CLSTN2: variants seen among roughly 807,000 people sequenced by gnomAD.
CLSTN2 encodes the protein calsyntenin-2.
Under a neutral mutation model 101.2 loss-of-function variants are expected in CLSTN2, and 48 were observed. The ratio of observed to expected loss-of-function variants is 0.47; its 90% CI spans 0.38 to 0.60. CLSTN2 has a LOEUF of 0.60. CLSTN2 is among the 20% of genes least tolerant of loss of function. CLSTN2 has a pLI of 0.00. For synonymous variants in CLSTN2, 481 were observed against 463.6 expected (o/e 1.04, Z -0.48); for missense variants, 1,160 against 1,238.2 (o/e 0.94, Z 0.95).
intron 1 of CLSTN2, among the ~76,000 whole-genome samples, chr3:140,050,458 G>A (rs2007970085): frequency 6.6e-6 from 1 of 152,196 alleles, no homozygotes; most frequent in South Asian, 2.1e-4. Flanking sequence ...TAGCATCATG[G>A]AAGCCATGAC....
intron 9 of CLSTN2, among the ~76,000 whole-genome samples, chr3:140,543,851 T>C (rs1163777218): frequency 6.6e-6 from 1 of 152,262 alleles, no homozygotes; most frequent in East Asian, 1.9e-4. Context: ...TCTTCCTGGA[T>C]CAATTCCTGT....
At chr3:139,946,119 C>A (rs1458972773) in intron 1 of CLSTN2, among the ~76,000 whole-genome samples, 1 of 152,122 alleles carries the variant, frequency 6.6e-6, no homozygotes, top group Non-Finnish European at 1.5e-5. Flanking sequence ...AGAAATGAAA[C>A]CCTTCAAAAA....
rs147326500 is a variant in CLSTN2, at chr3:140,132,571, C to T, written c.110-43380C>T. On this transcript the variant is annotated intron_variant, in intron 1 of 16. Transcript: ENST00000458420. ...GGAGTTGTTTAGTATGTCTTGGGGTCAGTTTTCTGCCTGAAAGTTGAATGT... is the reference window on the plus strand; with the variant it reads ...GGAGTTGTTTAGTATGTCTTGGGGTTAGTTTTCTGCCTGAAAGTTGAATGT... Among the ~76,000 whole-genome samples, 123 of 152,232 alleles carry T rather than the reference C, an allele frequency of 8.1e-4. No homozygotes were observed. In the East Asian group the frequency reaches 0.021, roughly 26 times the overall value.
At chr3:139,983,029 T>A (rs1009206250) in intron 1 of CLSTN2, among the ~76,000 whole-genome samples, 4 of 151,350 alleles carry the variant, frequency 2.6e-5, no homozygotes, top group African/African-American at 9.7e-5. Context: ...TTTGTAATGA[T>A]CAGTACTTCA....
At chr3:140,085,908 G>A (rs990380198) in intron 1 of CLSTN2, among the ~76,000 whole-genome samples, 1 of 152,180 alleles carries the variant, frequency 6.6e-6, no homozygotes, top group Non-Finnish European at 1.5e-5. Flanking sequence ...GTGATGACTA[G>A]GTTGCAGAGA....
At chr3:140,338,505 A>G (rs1469364592) in intron 2 of CLSTN2, among the ~76,000 whole-genome samples, 1 of 152,180 alleles carries the variant, frequency 6.6e-6, no homozygotes, top group African/African-American at 2.4e-5. Context: ...GAGTAATGCC[A>G]TCTTTCCCAC....
intron 2 of CLSTN2, among the ~76,000 whole-genome samples, chr3:140,236,585 A>G (rs762041479): frequency 1.3e-5 from 2 of 152,022 alleles, no homozygotes; most frequent in Non-Finnish European, 2.9e-5. Flanking sequence ...CCGTTTTCTA[A>G]GGATTCAGTT....
intron 2 of CLSTN2, among the ~76,000 whole-genome samples, chr3:140,272,129 C>A (rs915251581): frequency 2.6e-5 from 4 of 152,140 alleles, no homozygotes; most frequent in Non-Finnish European, 5.9e-5. Flanking sequence ...AAAGGACAAC[C>A]TTCTCTATTT....
chr3:140,387,030 C>T (rs1005174662), intron 2 of CLSTN2, among the ~76,000 whole-genome samples: 1 of 152,196 alleles, frequency 6.6e-6, no homozygotes, highest in Non-Finnish European at 1.5e-5. Context: ...ACCCAACCAA[C>T]TTTACGGCCT....
chr3:140,161,857 G>A (rs372660884), intron 1 of CLSTN2, among the ~76,000 whole-genome samples: 2 of 152,102 alleles, frequency 1.3e-5, no homozygotes, highest in African/African-American at 2.4e-5. Flanking sequence ...AAGAGCTTTC[G>A]TTTTGTAGGT....
intron 8 of CLSTN2, among the ~76,000 whole-genome samples, chr3:140,472,299 G>T (rs934379461): frequency 6.6e-6 from 1 of 152,170 alleles, no homozygotes; most frequent in Admixed American, 6.5e-5. Flanking sequence ...TACTTGCATA[G>T]AATTCTAAAG....
At chr3:140,400,027 TGTAA>T (rs2088223030) in intron 2 of CLSTN2, among the ~76,000 whole-genome samples, 1 of 151,864 alleles carries the variant, frequency 6.6e-6, no homozygotes, top group African/African-American at 2.4e-5. Context: ...TCGTTTTCAG[TGTAA>T]GTGATTGGCT....
intron 2 of CLSTN2, among the ~76,000 whole-genome samples, chr3:140,352,715 C>T (rs1238916909): frequency 6.6e-6 from 1 of 152,190 alleles, no homozygotes; most frequent in Non-Finnish European, 1.5e-5. Flanking sequence ...CAGAGCTGCT[C>T]TCTAAAATGA....
In CLSTN2 at chr3:140,111,917, T is replaced by C. The variant is rs1156371751; in HGVS notation, c.110-64034T>C. Among the ~76,000 whole-genome samples, 28 of 151,980 alleles carry C rather than the reference T, an allele frequency of 1.8e-4. 1 individual carries two copies. On this transcript the variant is annotated intron_variant, in intron 1 of 16. Transcript: ENST00000458420. ...ATGATGAAACTGAGGTTTACAAGAG[T>C]ACAAGTGACTTACCCACGACCACAC...
chr3:140,020,366 A>G (rs1357466679), intron 1 of CLSTN2, among the ~76,000 whole-genome samples: 3 of 152,122 alleles, frequency 2.0e-5, no homozygotes, highest in Admixed American at 1.3e-4. Context: ...GTGTGTGTGC[A>G]TGTGTGTGTA....
chr3:140,490,983 T>C (rs757705942), intron 8 of CLSTN2, among the ~76,000 whole-genome samples: 1 of 152,208 alleles, frequency 6.6e-6, no homozygotes, highest in African/African-American at 2.4e-5. Context: ...AGGCAGAACA[T>C]TGGAAACCTG....
chr3:140,444,430 CAA>C (rs11391949), intron 5 of CLSTN2, among the ~76,000 whole-genome samples: 67 of 143,264 alleles, frequency 4.7e-4, no homozygotes, highest in African/African-American at 1.5e-3. Context: ...AACTCCGTCT[CAA>C]AAAAAAAAAA....
chr3:140,448,627 C>G lies in CLSTN2; in HGVS notation c.896C>G (p.Thr299Arg). 6.2e-7 allele frequency: 1 copy of G among 1,614,152 alleles called. No individual in the cohort carries two copies. The highest frequency in any genetic ancestry group is 8.5e-7 in the Non-Finnish European group (1 of 1,180,006). ...GCCGTGTCTTCCCTCCAGATCGTCA[C>G]AGAGCTGCAGACTAATTACATTGGG... is the stretch of plus-strand genomic sequence containing the variant. ...DGAVSSLQIVTELQTNYIGKG... is the reference protein window; with the variant it reads ...DGAVSSLQIVRELQTNYIGKG... Residue 299 changes from threonine (T) to arginine (R), a missense_variant, in exon 6 of 17, where the codon ACA becomes AGA. Physicochemically the swap from Thr to Arg is moderately conservative, Grantham distance 71. Transcript: ENST00000458420.
intron 1 of CLSTN2, among the ~76,000 whole-genome samples, chr3:140,170,102 A>T (rs2010189451): frequency 6.6e-6 from 1 of 152,214 alleles, no homozygotes; most frequent in African/African-American, 2.4e-5. Flanking sequence ...CTGCTTCCAA[A>T]TGTGATGCAA....
Sources: gnomAD v4.1 joint callset for allele counts (sites outside exome capture counted in the v4.1 genomes callset) on GRCh38, gnomAD v4.1.1 for gene constraint, MANE v1.5 for transcripts, NCBI Gene and HGNC (gene_info 2026-07-23, HGNC 2026-07-21) for gene names.